The following PSME4 variants were observed in gnomAD, a reference collection of about 807,000 sequenced individuals.
PSME4 encodes proteasome activator complex subunit 4.
Under a neutral mutation model 253.9 loss-of-function variants are expected in PSME4, and 89 were observed. The ratio of observed to expected loss-of-function variants is 0.35; its 90% CI spans 0.30 to 0.42. PSME4 has a LOEUF of 0.42. PSME4 is among the 10% of genes least tolerant of loss of function. The pLI is 1.00. For missense variants in PSME4, 2,014 were observed against 2,195.2 expected (o/e 0.92, Z 1.65); for synonymous variants, 851 against 759.2 (o/e 1.12, Z -1.99).
chr2:53,931,799 A>G (rs769150001), intron 10 of PSME4, 36 bp downstream of exon 10: 4 of 1,605,214 alleles, frequency 2.5e-6, no homozygotes, highest in Non-Finnish European at 3.4e-6. Context: ...CAAAAGAAAA[A>G]CCTAGCTGTG....
intron 10 of PSME4, 56 bp downstream of exon 10, chr2:53,931,779 C>A: frequency 6.4e-7 from 1 of 1,570,924 alleles, no homozygotes; most frequent in Middle Eastern, 1.8e-4. Context: ...GAGAATCGAG[C>A]TGAACAGACC....
At chr2:53,889,482 C>A (rs1449374861) in intron 37 of PSME4, among the ~76,000 whole-genome samples, 1 of 152,098 alleles carries the variant, frequency 6.6e-6, no homozygotes, top group Non-Finnish European at 1.5e-5. Flanking sequence ...CCCCCACCCC[C>A]TTCTGAAATA....
At chr2:53,901,699 C>A (rs945050830) in intron 27 of PSME4, 140 bp from the exon 28 acceptor site, 1 of 578,516 alleles carries the variant, frequency 1.7e-6, no homozygotes, top group South Asian at 3.6e-5. Context: ...TATGTTCACA[C>A]ATTTAACATG....
At chr2:53,894,892 G>A in intron 34 of PSME4, 115 bp downstream of exon 34, 1 of 955,866 alleles carries the variant, frequency 1.0e-6, no homozygotes, top group Non-Finnish European at 1.6e-6. Context: ...GTGCTATACA[G>A]AAAAACACAA....
intron 28 of PSME4, 108 bp downstream of exon 28, chr2:53,901,242 C>G (rs933145885): frequency 1.7e-5 from 17 of 1,025,806 alleles, no homozygotes; most frequent in Non-Finnish European, 2.3e-5. Context: ...AAACACTGGA[C>G]TCAAATGCCA....
chr2:53,930,751 A>G (rs1363543488), intron 10 of PSME4, among the ~76,000 whole-genome samples: 1 of 152,218 alleles, frequency 6.6e-6, no homozygotes, highest in East Asian at 1.9e-4. Context: ...CTGTCTCAAC[A>G]ATAAGTCAGA....
At chr2:53,949,316 A>G (rs1669867366) in intron 1 of PSME4, 33 bp from the exon 2 acceptor site, 1 of 1,399,072 alleles carries the variant, frequency 7.1e-7, no homozygotes, top group Non-Finnish European at 9.8e-7. Context: ...CCCTTTAAAA[A>G]TAGGTATGAT....
chr2:53,915,350 G>A (rs911763064), intron 20 of PSME4, among the ~76,000 whole-genome samples: 2 of 152,206 alleles, frequency 1.3e-5, no homozygotes, highest in East Asian at 3.9e-4. Flanking sequence ...TGAAGTGGGA[G>A]GATCACTTGA....
In PSME4 at chr2:53,895,650, T is replaced by A; in HGVS notation, c.3775A>T (p.Thr1259Ser). The A allele has an allele frequency of 6.2e-7, 1 of 1,613,662 alleles. No individual in the cohort carries two copies. The highest frequency in any genetic ancestry group is 8.5e-7 in the Non-Finnish European group (1 of 1,179,858). The change falls in exon 33 of 47, where the codon ACT (threonine) becomes TCT (serine). Residue 1259 changes from threonine to serine, a missense_variant. Thr to Ser is a moderately conservative substitution (Grantham distance 58). Transcript: ENST00000404125. ...LHYDSKTIPR[T>S]KKEWESSCFV... ...CAACTTGACTCCCATTCTTTTTTAG[T>A]TCTTGGTATAGTTTTGCTGTCATAA... is the stretch of plus-strand genomic sequence containing the variant.
intron 20 of PSME4, among the ~76,000 whole-genome samples, chr2:53,917,938 A>T (rs1382515589): frequency 6.6e-6 from 1 of 152,222 alleles, no homozygotes; most frequent in East Asian, 1.9e-4. Flanking sequence ...ATTCCTAAAC[A>T]CACTTATAAC....
chr2:53,876,650 A>G (rs980557100), intron 41 of PSME4, among the ~76,000 whole-genome samples: 1 of 150,596 alleles, frequency 6.6e-6, no homozygotes, highest in Non-Finnish European at 1.5e-5. Flanking sequence ...CCAAAAGTAG[A>G]TAAGAATTTT....
At chr2:53,889,430 GAAA>G (rs769045146) in intron 37 of PSME4, among the ~76,000 whole-genome samples, 51 of 149,750 alleles carry the variant, frequency 3.4e-4, no homozygotes, top group Non-Finnish European at 6.4e-4. Flanking sequence ...ATAATGACAA[GAAA>G]AAAAAAATCT....
At chr2:53,915,708 C>T (rs1001109574) in intron 20 of PSME4, among the ~76,000 whole-genome samples, 1 of 151,336 alleles carries the variant, frequency 6.6e-6, no homozygotes, top group African/African-American at 2.4e-5. Context: ...ACTAAGTAAT[C>T]TGACAAAAAA....
chr2:53,966,162 G>A (rs1196405663), intron 1 of PSME4, among the ~76,000 whole-genome samples: 1 of 152,082 alleles, frequency 6.6e-6, no homozygotes, highest in Non-Finnish European at 1.5e-5. Context: ...GTACTCACCT[G>A]TAATCCCAGC....
intron 29 of PSME4, among the ~76,000 whole-genome samples, chr2:53,898,684 T>C (rs1680254666): frequency 6.6e-6 from 1 of 150,930 alleles, no homozygotes; most frequent in African/African-American, 2.4e-5. Flanking sequence ...ATACACCAGG[T>C]TTCTGAAATA....
chr2:53,962,764 G>A (rs1398644090), intron 1 of PSME4, among the ~76,000 whole-genome samples: 1 of 151,818 alleles, frequency 6.6e-6, no homozygotes, highest in Non-Finnish European at 1.5e-5. Context: ...TGTAATCCCA[G>A]CACTTTGGGA....
chr2:53,930,733 C>T (rs1298717251), intron 10 of PSME4, among the ~76,000 whole-genome samples: 1 of 152,188 alleles, frequency 6.6e-6, no homozygotes, highest in East Asian at 1.9e-4. Flanking sequence ...ATATGACCAA[C>T]ACTTATTCTG....
At chr2:53,902,143 C>T (rs551194945) in intron 27 of PSME4, among the ~76,000 whole-genome samples, 15 of 152,232 alleles carry the variant, frequency 9.9e-5, no homozygotes, top group African/African-American at 3.6e-4. Flanking sequence ...TTTCTAAGAA[C>T]ATATATTCCA....
chr2:53,895,197 A>G, intron 33 of PSME4, 121 bp from the exon 34 acceptor site: 1 of 766,194 alleles, frequency 1.3e-6, no homozygotes, highest in Non-Finnish European at 2.1e-6. Context: ...TGGGGAGATG[A>G]GTACAGCAGT....
Sources: gnomAD v4.1 joint callset for allele counts (sites outside exome capture counted in the v4.1 genomes callset) on GRCh38, gnomAD v4.1.1 for gene constraint, MANE v1.5 for transcripts, NCBI Gene and HGNC (gene_info 2026-07-23, HGNC 2026-07-21) for gene names.